Variants in C12orf54 observed in about 807,000 individuals in gnomAD.
The protein encoded by C12orf54 is uncharacterized protein C12orf54.
C12orf54 carries 24 observed loss-of-function variants against 26.4 expected under a neutral mutation model. That is an observed-to-expected ratio of 0.91 (90% confidence interval 0.66 to 1.28). The LOEUF (loss-of-function observed/expected upper bound fraction) is 1.28, where lower values mean the gene tolerates loss of function less well. Among genes scored for constraint, C12orf54 ranks in the 50% most tolerant of loss-of-function variants. C12orf54 has a pLI of 0.00. For missense variants in C12orf54, 154 were observed against 150.9 expected, an observed-to-expected ratio of 1.02 and a Z score of -0.11; for synonymous variants, 54 against 47.0, an observed-to-expected ratio of 1.15 and a Z score of -0.61.
intron 7 of C12orf54, among the ~76,000 whole-genome samples, chr12:48,493,674 A>G (rs1937842981): frequency 7.7e-6 from 1 of 129,886 alleles, no homozygotes; most frequent in Non-Finnish European, 1.7e-5. Flanking sequence ...AGAAAGTTAT[A>G]AAGAAAATTA....
chr12:48,437,271 CT>C, the C12orf54 span, among the ~76,000 whole-genome samples: 2 of 152,084 alleles, frequency 1.3e-5, no homozygotes, highest in African/African-American at 2.4e-5. Flanking sequence ...AGCTTACCAA[CT>C]AAAAAAAGTC....
the C12orf54 span, among the ~76,000 whole-genome samples, chr12:48,423,582 AG>A: frequency 6.6e-6 from 1 of 152,100 alleles, no homozygotes; most frequent in African/African-American, 2.4e-5. Flanking sequence ...CCCAAATTAA[AG>A]AAGAATAAAG....
chr12:48,452,846 C>T, the C12orf54 span, among the ~76,000 whole-genome samples: 1 of 151,580 alleles, frequency 6.6e-6, no homozygotes, highest in East Asian at 1.9e-4. Flanking sequence ...AATAACAGAA[C>T]TAGCAAGATT....
chr12:48,465,433 G>A, the C12orf54 span, among the ~76,000 whole-genome samples: 1 of 152,034 alleles, frequency 6.6e-6, no homozygotes, highest in Admixed American at 6.6e-5. Flanking sequence ...GCAAGGTTGT[G>A]GAGAAAAAGG....
chr12:48,419,097 A>T, the C12orf54 span, among the ~76,000 whole-genome samples: 2 of 152,176 alleles, frequency 1.3e-5, no homozygotes, highest in Non-Finnish European at 2.9e-5. Flanking sequence ...AACTCAAATT[A>T]CCTTCTTAAT....
the C12orf54 span, among the ~76,000 whole-genome samples, chr12:48,447,352 T>C: frequency 2.6e-5 from 4 of 152,094 alleles, no homozygotes; most frequent in Non-Finnish European, 5.9e-5. Context: ...AGTGAGCATA[T>C]AGATTTATGT....
chr12:48,423,989 C>A, the C12orf54 span, among the ~76,000 whole-genome samples: 1 of 151,998 alleles, frequency 6.6e-6, no homozygotes, highest in Admixed American at 6.6e-5. Context: ...ATATATATGT[C>A]CCTTTACAAG....
chr12:48,465,831 A>G, the C12orf54 span, among the ~76,000 whole-genome samples: 2 of 152,202 alleles, frequency 1.3e-5, no homozygotes, highest in Non-Finnish European at 2.9e-5. Context: ...CAAATTCCAC[A>G]TGTTCTCACT....
At chr12:48,418,010 G>T in the C12orf54 span, among the ~76,000 whole-genome samples, 14 of 152,238 alleles carry the variant, frequency 9.2e-5, no homozygotes, top group East Asian at 2.3e-3. Context: ...TTGATTCCAT[G>T]TCTTTGCTAG....
the C12orf54 span, among the ~76,000 whole-genome samples, chr12:48,461,830 G>A: frequency 6.6e-6 from 1 of 151,600 alleles, no homozygotes; most frequent in Non-Finnish European, 1.5e-5. Flanking sequence ...TAAGAAGCTA[G>A]CAAATTAAGA....
the C12orf54 span, among the ~76,000 whole-genome samples, chr12:48,422,370 C>T: frequency 6.6e-6 from 1 of 152,208 alleles, no homozygotes. Context: ...TGCTTAAGAA[C>T]CATTTCTTTC....
At chr12:48,447,212 CTGTGTGTGTGTGTGTG>C in the C12orf54 span, among the ~76,000 whole-genome samples, 1 of 90,972 alleles carries the variant, frequency 1.1e-5, no homozygotes. Context: ...CTCTCTTACT[CTGTGTGTGTGTGTGTG>C]TGTGTGTGTG....
the C12orf54 span, chr12:48,473,289 GAGA>G: frequency 4.4e-4 from 489 of 1,104,318 alleles, 4 homozygotes; most frequent in African/African-American, 6.9e-3. Flanking sequence ...AGACGAGGAG[GAGA>G]AGGATGAAGG....
chr12:48,494,757 C>T lies in C12orf54; in HGVS notation c.243-41C>T, dbSNP rs535482102. The stretch of plus-strand genomic sequence containing the variant: ...AGGAAGGGAACTGAAAGGGTAAGAT[C>T]TCTTTCCCTCATGTCTACAACTTTC... On this transcript the variant is annotated intron_variant, in intron 7 of 8. Coordinates refer to ENST00000548364, the MANE Select transcript of C12orf54 (RefSeq NM_152319.4). The T allele has an allele frequency of 1.6e-5, 25 of 1,593,330 alleles. No individual in the cohort carries two copies. In the African/African-American group the frequency reaches 3.1e-4, roughly 20 times the overall value.
the C12orf54 span, among the ~76,000 whole-genome samples, chr12:48,414,855 G>A: frequency 1.3e-5 from 2 of 152,118 alleles, no homozygotes; most frequent in African/African-American, 4.8e-5. Context: ...GCCTCCTCAG[G>A]TTTGGCAGGA....
the C12orf54 span, among the ~76,000 whole-genome samples, chr12:48,466,565 G>A: frequency 3.3e-5 from 5 of 151,036 alleles, no homozygotes; most frequent in South Asian, 2.1e-4. Flanking sequence ...AAAGATACAT[G>A]ACTTGCAAAT....
At chr12:48,413,754 G>A in the C12orf54 span, among the ~76,000 whole-genome samples, 2 of 152,108 alleles carry the variant, frequency 1.3e-5, no homozygotes, top group East Asian at 3.8e-4. Context: ...GCTTTATCCT[G>A]AAAAATTATA....
the C12orf54 span, among the ~76,000 whole-genome samples, chr12:48,437,025 G>GAAAAT: frequency 7.3e-5 from 11 of 151,070 alleles, no homozygotes; most frequent in South Asian, 2.1e-4. Flanking sequence ...TAATAAAGAA[G>GAAAAT]AGAGAAGAAT....
At chr12:48,424,458 C>A in the C12orf54 span, among the ~76,000 whole-genome samples, 1 of 151,988 alleles carries the variant, frequency 6.6e-6, no homozygotes, top group Non-Finnish European at 1.5e-5. Context: ...CAAGGCCATC[C>A]GGACCTGGAG....
Sources: allele counts gnomAD v4.1 joint callset (sites outside exome capture counted in the v4.1 genomes callset), GRCh38; gene constraint gnomAD v4.1.1; transcripts MANE v1.5; gene names NCBI Gene and HGNC (gene_info 2026-07-23, HGNC 2026-07-21).